Variants in NUP50 observed in about 807,000 individuals in gnomAD.
NUP50 encodes nucleoporin 50.
NUP50 carries 14 observed loss-of-function variants against 36.8 expected under a neutral mutation model. The ratio of observed to expected loss-of-function variants is 0.38; its 90% CI spans 0.25 to 0.59. The LOEUF is 0.59. Ranked by LOEUF, NUP50 falls within the 20% of genes least tolerant of loss-of-function variation. The probability of loss-of-function intolerance (pLI) is 0.63; values close to 1 mark genes in which losing one functional copy is unlikely to be tolerated. For missense variants in NUP50, 455 were observed against 564.6 expected (o/e 0.81, Z 1.97); for synonymous variants, 195 against 210.8 (o/e 0.93, Z 0.65).
At chr22:45,180,799 C>G (rs947895387) in intron 5 of NUP50, among the ~76,000 whole-genome samples, 1 of 151,610 alleles carries the variant, frequency 6.6e-6, no homozygotes, top group Non-Finnish European at 1.5e-5. Context: ...AAATTACTTA[C>G]ACTGGGGCTT....
intron 5 of NUP50, 21 bp from the exon 6 acceptor site, chr22:45,181,265 T>A: frequency 6.4e-7 from 1 of 1,552,790 alleles, no homozygotes; most frequent in Non-Finnish European, 8.8e-7. Context: ...TCTTACTGAA[T>A]TATTGTCATT....
chr22:45,170,065 C>T (rs6007486), intron 2 of NUP50, among the ~76,000 whole-genome samples: 69,497 of 151,628 alleles, frequency 0.46, 16,337 homozygotes, highest in Middle Eastern at 0.52. Flanking sequence ...TGACGTACGC[C>T]GCCTTCCTTC....
intron 4 of NUP50, 150 bp downstream of exon 4, chr22:45,176,230 T>A (rs2074275115): frequency 5.9e-6 from 5 of 844,016 alleles, no homozygotes; most frequent in Non-Finnish European, 9.0e-6. Flanking sequence ...TAGGGAGGTG[T>A]CGGTTACTTA....
chr22:45,185,605 G>A lies in NUP50; in HGVS notation c.*950G>A, dbSNP rs1010242776. 7 of 152,092 alleles carry A rather than the reference G, an allele frequency of 4.6e-5. No individual in the cohort carries two copies. The highest frequency in any genetic ancestry group is 1.7e-4 in the African/African-American group (7 of 41,404). 9.4% of individuals were successfully genotyped at this position (152,092 alleles called of 1,614,324 possible). Reference sequence around the variant, plus strand: ...GCCGTGTGAATTCACTAGGAAACATGTAATAAAGTCATGGAAGAGAAAATC... The same window carrying A: ...GCCGTGTGAATTCACTAGGAAACATATAATAAAGTCATGGAAGAGAAAATC... On this transcript the variant is annotated 3_prime_UTR_variant, in exon 8 of 8. Transcript: ENST00000347635.
Position 45,184,838 on chromosome 22 carries a change from C to T in NUP50, c.*183C>T. On this transcript the variant is annotated 3_prime_UTR_variant, in exon 8 of 8. Coordinates refer to ENST00000347635, the MANE Select transcript of NUP50 (RefSeq NM_007172.4). ...ATGTTAAGTGTCAAGAAACTGCACT[C>T]TCCCTTCTTAAGAACTGCCTAAAGT... The T allele has an allele frequency of 1.6e-6, 1 of 615,362 alleles. No homozygotes were observed. The highest frequency in any genetic ancestry group is 2.0e-5 in the South Asian group (1 of 49,082). The allele number at this position is 615,362 out of a possible 1,614,324, so 38.1% of individuals were successfully genotyped here. A position where few individuals can be genotyped will look rare whatever the true frequency, so the allele number is the denominator to read the frequency against.
In NUP50 at chr22:45,181,325, T is replaced by C. The variant is rs1192550535; in HGVS notation, c.1043T>C (p.Val348Ala). ...GAGAATGATGAGCCACCCAAAGTAG[T>C]AGTTACCGAAGTAAAAGAAGAAGAT... is the stretch of plus-strand genomic sequence containing the variant. ...EEENDEPPKV[V>A]VTEVKEEDAF... The change falls in exon 6 of 8, where the codon GTA (valine) becomes GCA (alanine). Residue 348 changes from valine (V) to alanine (A), a missense_variant. Transcript: ENST00000347635. 2.5e-6 allele frequency: 4 copies of C among 1,593,744 alleles called. No individual in the cohort carries two copies. In the South Asian group the frequency reaches 3.4e-5, roughly 14 times the overall value.
intron 2 of NUP50, among the ~76,000 whole-genome samples, chr22:45,168,536 C>G (rs185198095): frequency 1.2e-4 from 18 of 152,258 alleles, no homozygotes; most frequent in Admixed American, 1.2e-3. Context: ...TCCTGAGTTT[C>G]GTATACTTGA....
At chr22:45,182,404 T>G (rs1243599079) in intron 6 of NUP50, among the ~76,000 whole-genome samples, 7 of 152,022 alleles carry the variant, frequency 4.6e-5, no homozygotes, top group African/African-American at 1.7e-4. Context: ...ATCATGCCAC[T>G]GCACTCCAGC....
At chr22:45,171,318 G>A in intron 2 of NUP50, 3 of 569,556 alleles carry the variant, frequency 5.3e-6, no homozygotes, top group Non-Finnish European at 7.9e-6. Context: ...TCCTGCCTCA[G>A]CCTCCCAGGT....
chr22:45,169,431 C>A (rs561689500), intron 2 of NUP50, among the ~76,000 whole-genome samples: 1 of 151,922 alleles, frequency 6.6e-6, no homozygotes. Context: ...ACCCAGGTGC[C>A]GAGGCAAGAG....
intron 3 of NUP50, among the ~76,000 whole-genome samples, chr22:45,174,142 C>T (rs1173543653): frequency 6.6e-6 from 1 of 150,592 alleles, no homozygotes; most frequent in Non-Finnish European, 1.5e-5. Context: ...GGATGTGGGG[C>T]TGTGTCAGTG....
In NUP50 at chr22:45,187,837, T is replaced by C. The variant is rs1428899591; in HGVS notation, c.*3182T>C. 1.3e-5 allele frequency: 2 copies of C among 152,682 alleles called. No homozygotes were observed. The highest frequency in any genetic ancestry group is 4.8e-5 in the African/African-American group (2 of 41,476). 9.5% of individuals were successfully genotyped at this position (152,682 alleles called of 1,614,324 possible). On this transcript the variant is annotated 3_prime_UTR_variant, in exon 8 of 8. Coordinates refer to ENST00000347635, the MANE Select transcript of NUP50 (RefSeq NM_007172.4). ...AATTGTAATGGAGATGTAAAACTTC[T>C]TAGCAATCAGATGGATAAATTGTTT...
At chr22:45,180,728 C>T (rs1409206122) in intron 5 of NUP50, among the ~76,000 whole-genome samples, 1 of 151,962 alleles carries the variant, frequency 6.6e-6, no homozygotes, top group Non-Finnish European at 1.5e-5. Context: ...TGGGAGACCC[C>T]GTTAGTGGGG....
intron 4 of NUP50, among the ~76,000 whole-genome samples, chr22:45,176,561 G>A (rs2074279911): frequency 6.6e-6 from 1 of 152,116 alleles, no homozygotes; most frequent in East Asian, 1.9e-4. Flanking sequence ...CTGTTTTGAG[G>A]GAGTCAGTCA....
Position 45,187,192 on chromosome 22 carries a change from TG to T in NUP50, c.*2538del, listed in dbSNP as rs2083457667. The T allele has an allele frequency of 6.7e-6, 1 of 150,320 alleles. No homozygotes were observed. Among genetic ancestry groups the T allele is most frequent in the Non-Finnish European group, 1.5e-5 (1 of 67,714 alleles). The allele number at this position is 150,320 out of a possible 1,614,324, so 9.3% of individuals were successfully genotyped here. On this transcript the variant is annotated 3_prime_UTR_variant, in exon 8 of 8. Coordinates refer to ENST00000347635, the MANE Select transcript of NUP50 (RefSeq NM_007172.4). ...TTTTTTTTTTTTTTTTTAAAACCTG[TG>T]TATCCATCTCATCCTTTTGCGCATT...
In NUP50 at chr22:45,182,319, T is replaced by C. The variant is rs181710117; in HGVS notation, c.1085+952T>C. ...AGCCTAATGTGGTGGCGCACGCCTG[T>C]AATCCCAGCTGTTTGGGAGGCTGAG... On this transcript the variant is annotated intron_variant, in intron 6 of 7. Transcript: ENST00000347635. Among the ~76,000 whole-genome samples the C allele has an allele frequency of 1.3e-4, 20 of 152,248 alleles. No individual in the cohort carries two copies. The East Asian group carries it at 3.3e-3, about 25-fold the overall frequency.
chr22:45,183,471 T>G lies in NUP50; in HGVS notation c.1155T>G (p.Pro385=). ...EKGIGTLHLK[P]TANQKTQLLV... Reference sequence around the variant, plus strand: ...GCATAGGTACTCTGCATTTAAAACCTACAGCAAATCAGAAGACACAGCTTT... The same window carrying G: ...GCATAGGTACTCTGCATTTAAAACCGACAGCAAATCAGAAGACACAGCTTT... Residue 385 remains proline, a synonymous_variant, in exon 7 of 8, where the codon CCT becomes CCG. Coordinates refer to ENST00000347635, the MANE Select transcript of NUP50 (RefSeq NM_007172.4). 2 of 1,612,604 alleles carry G rather than the reference T, an allele frequency of 1.2e-6. No homozygotes were observed. Among genetic ancestry groups the G allele is most frequent in the Non-Finnish European group, 1.7e-6 (2 of 1,179,230 alleles).
chr22:45,181,686 C>G (rs2074375998), intron 6 of NUP50, among the ~76,000 whole-genome samples: 1 of 152,092 alleles, frequency 6.6e-6, no homozygotes, highest in Admixed American at 6.5e-5. Context: ...GTGTCTTTCT[C>G]CCTCCCCTTC....
intron 6 of NUP50, among the ~76,000 whole-genome samples, chr22:45,181,743 T>G (rs1387885880): frequency 2.6e-5 from 4 of 152,208 alleles, no homozygotes; most frequent in Admixed American, 2.6e-4. Flanking sequence ...GATTTCAGGT[T>G]TGGCCTCAGA....
Sources: gnomAD v4.1 joint callset for allele counts (sites outside exome capture counted in the v4.1 genomes callset) on GRCh38, gnomAD v4.1.1 for gene constraint, MANE v1.5 for transcripts, NCBI Gene and HGNC (gene_info 2026-07-23, HGNC 2026-07-21) for gene names.